CRELD1: variants seen among roughly 807,000 people sequenced by gnomAD.
The protein encoded by CRELD1 is CRELD disulfide isomerase 1.
A neutral mutation model predicts 58.2 loss-of-function variants in CRELD1; 42 were observed. That is an observed-to-expected ratio of 0.72 (90% confidence interval 0.56 to 0.93). CRELD1 has a LOEUF of 0.93. Ranked by LOEUF, CRELD1 falls within the 40% of genes least tolerant of loss-of-function variation. CRELD1 has a pLI of 0.00. For missense variants in CRELD1, 500 were observed against 540.6 expected (o/e 0.92, Z 0.74); for synonymous variants, 222 against 202.0 (o/e 1.10, Z -0.84).
At chr3:9,940,233 A>T (rs1401504272) in intron 5 of CRELD1, among the ~76,000 whole-genome samples, 1 of 149,998 alleles carries the variant, frequency 6.7e-6, no homozygotes, top group African/African-American at 2.5e-5. Context: ...ATGGGCCGCC[A>T]GGCAGAGACG....
chr3:9,944,210 T>TGCA, intron 10 of CRELD1, 155 bp from the exon 11 acceptor site: 1 of 806,178 alleles, frequency 1.2e-6, no homozygotes, highest in Non-Finnish European at 2.2e-6. Context: ...AACTGCCCCT[T>TGCA]GCAGGGTGGT....
intron 10 of CRELD1, chr3:9,944,049 TG>T (rs2085449640): frequency 1.2e-6 from 1 of 815,742 alleles, no homozygotes; most frequent in East Asian, 2.4e-5. Flanking sequence ...GTCGCAAAGC[TG>T]GGATCCCAAT....
chr3:9,935,074 C>A, intron 3 of CRELD1, 157 bp downstream of exon 3: 1 of 628,756 alleles, frequency 1.6e-6, no homozygotes, highest in Non-Finnish European at 2.8e-6. Context: ...CAAAATGCCC[C>A]CTTCCTGGAG....
rs1243477103 is a variant in CRELD1, at chr3:9,943,399, CAG to C, written c.935_936del (p.Glu312GlyfsTer10). The C allele has an allele frequency of 9.3e-6, 15 of 1,613,820 alleles. No homozygotes were observed. The highest frequency in any genetic ancestry group is 1.7e-5 in the Admixed American group (1 of 59,998). ...CCTCAAGATGTGGATGAGTGTGAGA[CAG>C]AGGTGTGTCCGGGAGAGAACAAGCA... On this transcript the variant is annotated frameshift_variant, in exon 10 of 11. Coordinates refer to ENST00000452070, the MANE Select transcript of CRELD1 (RefSeq NM_001077415.3). LOFTEE classifies it high-confidence loss of function.
intron 3 of CRELD1, 34 bp from the exon 4 acceptor site, chr3:9,937,528 C>A: frequency 7.0e-7 from 1 of 1,431,520 alleles, no homozygotes; most frequent in Non-Finnish European, 9.8e-7. Flanking sequence ...TGGGGTGGGG[C>A]ATGTTTCCCA....
chr3:9,939,544 A>G (rs1266420064), intron 5 of CRELD1, among the ~76,000 whole-genome samples: 1 of 152,162 alleles, frequency 6.6e-6, no homozygotes, highest in Non-Finnish European at 1.5e-5. Flanking sequence ...CTCAACCAGC[A>G]TGCTGCCTTC....
Position 9,934,518 on chromosome 3 carries a change from T to G in CRELD1, c.80T>G (p.Ile27Ser), listed in dbSNP as rs1350862535. 28 of 1,613,856 alleles carry G rather than the reference T, an allele frequency of 1.7e-5. No individual in the cohort carries two copies. The highest frequency in any genetic ancestry group is 2.3e-5 in the Non-Finnish European group (27 of 1,179,956). ...CTCTTCCTCAACCTCCCAGGACCTA[T>G]CTGGCTCCAGCCCTCTCCACCTCCC... is the stretch of plus-strand genomic sequence containing the variant. ...LSLFLNLPGP[I>S]WLQPSPPPQS... The change falls in exon 2 of 11, where the codon ATC becomes AGC. Residue 27 changes from isoleucine to serine, a missense_variant. Ile to Ser is a moderately radical substitution (Grantham distance 142). Transcript: ENST00000452070.
At chr3:9,941,339 C>A in intron 7 of CRELD1, 133 bp downstream of exon 7, 1 of 732,592 alleles carries the variant, frequency 1.4e-6, no homozygotes, top group Non-Finnish European at 2.2e-6. Context: ...GCTGGGAAGG[C>A]AGAAAAGTAA....
intron 3 of CRELD1, 49 bp downstream of exon 3, chr3:9,934,966 C>G: frequency 6.8e-7 from 1 of 1,473,648 alleles, no homozygotes; most frequent in Non-Finnish European, 9.3e-7. Context: ...CCCGCCAAAT[C>G]TCTGCTCTGC....
intron 3 of CRELD1, among the ~76,000 whole-genome samples, chr3:9,935,456 A>G (rs753370222): frequency 7.9e-5 from 12 of 152,186 alleles, no homozygotes; most frequent in Non-Finnish European, 1.3e-4. Context: ...TGTCTTCTCT[A>G]CACCTTTAAA....
intron 3 of CRELD1, chr3:9,935,926 G>A (rs535946944): frequency 6.6e-6 from 1 of 152,314 alleles, no homozygotes; most frequent in East Asian, 1.9e-4. Flanking sequence ...TATATAGTCA[G>A]TATGTAAAGA....
Position 9,944,587 on chromosome 3 carries a change from C to T in CRELD1, c.*8C>T. 6.3e-7 allele frequency: 1 copy of T among 1,595,298 alleles called. No individual in the cohort carries two copies. Among genetic ancestry groups the T allele is most frequent in the Non-Finnish European group, 8.5e-7 (1 of 1,176,224 alleles). The stretch of plus-strand genomic sequence containing the variant: ...TTCATCAAGGGCAGATAATCGCGGC[C>T]ACCACCTGTAGGACCTCCTCCCACC... On this transcript the variant is annotated 3_prime_UTR_variant, in exon 11 of 11. Transcript: ENST00000452070.
At chr3:9,941,606 T>C (rs138995323) in intron 7 of CRELD1, among the ~76,000 whole-genome samples, 346 of 151,912 alleles carry the variant, frequency 2.3e-3, no homozygotes, top group Middle Eastern at 6.9e-3. Flanking sequence ...CTGGCTAACA[T>C]GGTGAAACCC....
In CRELD1 at chr3:9,944,380, T is replaced by C. The variant is rs2085462500; in HGVS notation, c.1064T>C (p.Phe355Ser). The C allele has an allele frequency of 1.2e-6, 2 of 1,613,892 alleles. No individual in the cohort carries two copies. Among genetic ancestry groups the C allele is most frequent in the African/African-American group, 2.7e-5 (2 of 74,904 alleles). Residue 355 changes from phenylalanine (F) to serine (S), a missense_variant, in exon 11 of 11, where the codon TTC becomes TCC. Coordinates refer to ENST00000452070, the MANE Select transcript of CRELD1 (RefSeq NM_001077415.3). ...TCCTCTGCAGAGTCAGCAGGCTTCT[T>C]CTCAGAGATGACAGAAGACGAGTTG... The part of the protein sequence containing the change: ...KEQIPESAGF[F>S]SEMTEDELVV...
rs1436150087 is a variant in CRELD1, at chr3:9,944,405, G to A, written c.1089G>A (p.Leu363=). ...GFFSEMTEDE[L]VVLQQMFFGI... ...TCTCAGAGATGACAGAAGACGAGTTGGTGGTGCTGCAGCAGATGTTCTTTG... is the reference window on the plus strand; with the variant it reads ...TCTCAGAGATGACAGAAGACGAGTTAGTGGTGCTGCAGCAGATGTTCTTTG... The change falls in exon 11 of 11, where the codon TTG becomes TTA. Residue 363 remains leucine, a synonymous_variant. Coordinates refer to ENST00000452070, the MANE Select transcript of CRELD1 (RefSeq NM_001077415.3). The A allele has an allele frequency of 1.2e-6, 2 of 1,614,070 alleles. No individual in the cohort carries two copies. The highest frequency in any genetic ancestry group is 1.7e-6 in the Non-Finnish European group (2 of 1,180,000).
rs1263752503 is a variant in CRELD1, at chr3:9,944,531, G to T, written c.1215G>T (p.Leu405Phe). 3.7e-6 allele frequency: 6 copies of T among 1,611,846 alleles called. No individual in the cohort carries two copies. Among genetic ancestry groups the T allele is most frequent in the Non-Finnish European group, 4.2e-6 (5 of 1,180,004 alleles). Residue 405 changes from leucine to phenylalanine, a missense_variant, in exon 11 of 11, where the codon TTG becomes TTT. Physicochemically the swap from Leu to Phe is conservative, Grantham distance 22. Transcript: ENST00000452070. ...GAVAAMTGYW[L>F]SERSDRVLEG... Reference sequence around the variant, plus strand: ...TGGCGGCCATGACTGGCTACTGGTTGTCAGAGCGCAGTGACCGTGTGCTGG... The same window carrying T: ...TGGCGGCCATGACTGGCTACTGGTTTTCAGAGCGCAGTGACCGTGTGCTGG...
intron 7 of CRELD1, among the ~76,000 whole-genome samples, chr3:9,941,816 A>T (rs898699886): frequency 3.8e-4 from 56 of 148,504 alleles, no homozygotes; most frequent in Non-Finnish European, 7.1e-4. Flanking sequence ...AAAAAAAAAA[A>T]TGAGGAAGGG....
At chr3:9,944,211 G>A in intron 10 of CRELD1, 154 bp from the exon 11 acceptor site, 1 of 806,818 alleles carries the variant, frequency 1.2e-6, no homozygotes, top group Non-Finnish European at 2.2e-6. Context: ...ACTGCCCCTT[G>A]CAGGGTGGTT....
At position 9,944,620 on chromosome 3, in the gene CRELD1, C is replaced by A. The variant is rs1414544758; in HGVS notation, c.*41C>A. 1.3e-6 allele frequency: 2 copies of A among 1,525,342 alleles called. No homozygotes were observed. The highest frequency in any genetic ancestry group is 1.8e-6 in the Non-Finnish European group (2 of 1,128,640). 94.5% of individuals were successfully genotyped at this position (1,525,342 alleles called of 1,614,324 possible). On this transcript the variant is annotated 3_prime_UTR_variant, in exon 11 of 11. Transcript: ENST00000452070. ...GTAGGACCTCCTCCCACCCACGCTG[C>A]CCCCAGAGCTTGGGCTGCCCTCCTG...
Sources: gnomAD v4.1 joint callset for allele counts (sites outside exome capture counted in the v4.1 genomes callset) on GRCh38, gnomAD v4.1.1 for gene constraint, MANE v1.5 for transcripts, NCBI Gene and HGNC (gene_info 2026-07-23, HGNC 2026-07-21) for gene names.